Variants in PPHLN1 observed in about 807,000 individuals in gnomAD.
PPHLN1 encodes periphilin-1.
PPHLN1 carries 29 observed loss-of-function variants against 51.3 expected under a neutral mutation model. That is an observed-to-expected ratio of 0.57 (90% CI 0.42 to 0.77). PPHLN1 has a LOEUF of 0.77. PPHLN1 is among the 30% of genes least tolerant of loss of function. The pLI is 0.00. For missense variants in PPHLN1, 436 were observed against 438.4 expected (o/e 0.99, Z 0.05); for synonymous variants, 147 against 147.8 (o/e 0.99, Z 0.04).
intron 9 of PPHLN1, among the ~76,000 whole-genome samples, chr12:42,420,396 T>C (rs964314534): frequency 6.6e-6 from 1 of 151,932 alleles, no homozygotes; most frequent in Non-Finnish European, 1.5e-5. Context: ...GTGTGTGTGT[T>C]TGTCTCTTTT....
chr12:42,442,572 C>G (rs2083052259), downstream of PPHLN1: 2 of 1,598,862 alleles, frequency 1.3e-6, no homozygotes, highest in African/African-American at 2.7e-5. Flanking sequence ...CTAAAGCCGG[C>G]AGTCCCCTAG....
chr12:42,383,539 A>C (rs2138977042), intron 5 of PPHLN1, among the ~76,000 whole-genome samples: 1 of 152,378 alleles, frequency 6.6e-6, no homozygotes. Context: ...TTGGTAGTAC[A>C]TGAAATAAAT....
In PPHLN1 at chr12:42,343,495, T is replaced by C. The variant is rs568447377; in HGVS notation, c.72+7521T>C. On this transcript the variant is annotated intron_variant, in intron 2 of 9. Coordinates refer to ENST00000358314, the MANE Select transcript of PPHLN1 (RefSeq NM_201439.2). The stretch of plus-strand genomic sequence containing the variant: ...TTTATTCATGCAATTAATCCATCTA[T>C]GTTTTTGAATACATTTCAAAGTAAA... Among the ~76,000 whole-genome samples, 7 of 152,372 alleles carry C rather than the reference T, an allele frequency of 4.6e-5. No homozygotes were observed. The East Asian group carries it at 1.3e-3, about 29-fold the overall frequency.
chr12:42,428,682 T>C (rs1050321340), intron 9 of PPHLN1, among the ~76,000 whole-genome samples: 4 of 152,112 alleles, frequency 2.6e-5, no homozygotes, highest in African/African-American at 9.7e-5. Flanking sequence ...TACTGCCTGC[T>C]CAGGTGATGA....
intron 9 of PPHLN1, among the ~76,000 whole-genome samples, chr12:42,413,097 T>A (rs571096916): frequency 6.6e-6 from 1 of 152,362 alleles, no homozygotes; most frequent in Non-Finnish European, 1.5e-5. Context: ...TTTCTTTTGC[T>A]GTACAGAAGC....
chr12:42,329,322 G>A (rs1285371577), intron 1 of PPHLN1, among the ~76,000 whole-genome samples: 1 of 151,666 alleles, frequency 6.6e-6, no homozygotes, highest in Non-Finnish European at 1.5e-5. Context: ...AGCCAGTATG[G>A]TCTCGATCTC....
intron 1 of PPHLN1, among the ~76,000 whole-genome samples, chr12:42,330,610 A>G (rs2069564800): frequency 6.6e-6 from 1 of 152,230 alleles, no homozygotes; most frequent in Admixed American, 6.5e-5. Flanking sequence ...CCTTGATACC[A>G]TACAACACAT....
At chr12:42,352,927 A>G (rs1169967230) in intron 3 of PPHLN1, among the ~76,000 whole-genome samples, 2 of 151,084 alleles carry the variant, frequency 1.3e-5, no homozygotes, top group African/African-American at 4.9e-5. Flanking sequence ...TGTCTCTACT[A>G]AAAATGCAAA....
intron 9 of PPHLN1, among the ~76,000 whole-genome samples, chr12:42,414,557 G>A (rs1383109512): frequency 5.3e-5 from 8 of 152,188 alleles, no homozygotes; most frequent in Non-Finnish European, 7.4e-5. Context: ...AAAGGATTGA[G>A]TTCTTGATTT....
intron 9 of PPHLN1, chr12:42,399,590 T>A (rs1258961351): frequency 4.4e-6 from 1 of 225,458 alleles, no homozygotes; most frequent in East Asian, 1.8e-4. Flanking sequence ...CTCTAGTGCG[T>A]TGAATAAATG....
chr12:42,349,510 A>G (rs1828684006), intron 2 of PPHLN1, among the ~76,000 whole-genome samples: 1 of 152,226 alleles, frequency 6.6e-6, no homozygotes, highest in Non-Finnish European at 1.5e-5. Flanking sequence ...GCAGATAAAC[A>G]TGTGAACAAA....
chr12:42,348,894 G>A (rs4768399), intron 2 of PPHLN1, among the ~76,000 whole-genome samples: 92,980 of 151,834 alleles, frequency 0.61, 28,646 homozygotes, highest in Admixed American at 0.67. Flanking sequence ...GAATGAGTCA[G>A]TATATTCATT....
chr12:42,408,739 C>G (rs1440252748), intron 9 of PPHLN1, among the ~76,000 whole-genome samples: 1 of 152,182 alleles, frequency 6.6e-6, no homozygotes, highest in Non-Finnish European at 1.5e-5. Context: ...TTGCCTAAGA[C>G]ATTGTCAGTA....
At position 42,362,024 on chromosome 12, in the gene PPHLN1, G is replaced by A. The variant is rs115283976; in HGVS notation, c.299+6802G>A. The stretch of plus-strand genomic sequence containing the variant: ...TGTATAAAGTTCCCAGTTGCTCCAC[G>A]TTCTTGCCAATGCTTGTTATATTCC... On this transcript the variant is annotated intron_variant, in intron 4 of 9. Transcript: ENST00000358314. Among the ~76,000 whole-genome samples the A allele has an allele frequency of 6.2e-3, 951 of 152,226 alleles. 9 individuals are homozygous for A. The highest frequency in any genetic ancestry group is 0.021 in the African/African-American group (891 of 41,524).
chr12:42,367,731 CATT>C (rs889270880), intron 4 of PPHLN1, among the ~76,000 whole-genome samples: 6 of 151,970 alleles, frequency 3.9e-5, no homozygotes, highest in Admixed American at 6.6e-5. Context: ...AAAAGTAAAT[CATT>C]ATTATTATTA....
At chr12:42,391,321 C>T (rs2077688625) in intron 7 of PPHLN1, among the ~76,000 whole-genome samples, 1 of 152,160 alleles carries the variant, frequency 6.6e-6, no homozygotes, top group Admixed American at 6.5e-5. Context: ...TCACTGCAAC[C>T]TCCACCTCCC....
intron 1 of PPHLN1, among the ~76,000 whole-genome samples, chr12:42,326,610 G>A (rs1232730984): frequency 6.6e-6 from 1 of 152,124 alleles, no homozygotes; most frequent in Non-Finnish European, 1.5e-5. Flanking sequence ...TTGTTTTCTG[G>A]TGAAGATCTC....
In PPHLN1 at chr12:42,398,935, G is replaced by C; in HGVS notation, c.850G>C (p.Asp284His). 1 of 1,614,122 alleles carries C rather than the reference G, an allele frequency of 6.2e-7. No homozygotes were observed. Among genetic ancestry groups the C allele is most frequent in the Non-Finnish European group, 8.5e-7 (1 of 1,179,976 alleles). The part of the protein sequence containing the change: ...NTTHGIELFE[D>H]SQLTTRSKAI... ...AACACATGGGATAGAATTATTTGAA[G>C]ATAGTCAGCTAACCACTCGCTCTAA... The change falls in exon 9 of 10, where the codon GAT (aspartate) becomes CAT (histidine). Residue 284 changes from aspartate (D) to histidine (H), a missense_variant. Asp to His is a moderately conservative substitution (Grantham distance 81). Coordinates refer to ENST00000358314, the MANE Select transcript of PPHLN1 (RefSeq NM_201439.2).
At chr12:42,390,820 T>A (rs925714259) in intron 7 of PPHLN1, among the ~76,000 whole-genome samples, 2 of 81,244 alleles carry the variant, frequency 2.5e-5, no homozygotes, top group Non-Finnish European at 7.6e-5. Flanking sequence ...ACCGTGAAGT[T>A]TTTTTTTTTT....
Sources: gnomAD v4.1 joint callset for allele counts (sites outside exome capture counted in the v4.1 genomes callset) on GRCh38, gnomAD v4.1.1 for gene constraint, MANE v1.5 for transcripts, NCBI Gene and HGNC (gene_info 2026-07-23, HGNC 2026-07-21) for gene names.